The following ROBO2 variants were observed in gnomAD, a reference collection of about 807,000 sequenced individuals.
ROBO2 encodes the protein roundabout homolog 2.
ROBO2 carries 53 observed loss-of-function variants against 160.8 expected under a neutral mutation model. That is an observed-to-expected ratio of 0.33 (90% confidence interval 0.26 to 0.41). The LOEUF (loss-of-function observed/expected upper bound fraction) is 0.41. ROBO2 is among the 10% of genes least tolerant of loss of function. The pLI, the probability that ROBO2 is intolerant of heterozygous loss-of-function variation, is 1.00. For synonymous variants in ROBO2, 664 were observed against 611.7 expected (o/e 1.09, Z -1.26); for missense variants, 1,577 against 1,722.4 (o/e 0.92, Z 1.49).
At chr3:76,504,306 T>A (rs2080651788) in intron 2 of ROBO2, among the ~76,000 whole-genome samples, 1 of 152,156 alleles carries the variant, frequency 6.6e-6, no homozygotes, top group Non-Finnish European at 1.5e-5. Flanking sequence ...TGTGACTTGA[T>A]AAAAGCCATA....
intron 2 of ROBO2, among the ~76,000 whole-genome samples, chr3:76,576,265 A>T (rs967264805): frequency 3.3e-5 from 5 of 152,156 alleles, no homozygotes; most frequent in African/African-American, 1.2e-4. Context: ...CAGTAGCCAC[A>T]TCATACACTG....
At chr3:76,783,000 A>C (rs547180353) in intron 2 of ROBO2, among the ~76,000 whole-genome samples, 1 of 150,038 alleles carries the variant, frequency 6.7e-6, no homozygotes, top group East Asian at 2.0e-4. Flanking sequence ...TAAAATTTTT[A>C]CTTGTGTGCT....
chr3:77,262,057 T>G (rs2058812232), intron 2 of ROBO2, among the ~76,000 whole-genome samples: 1 of 152,156 alleles, frequency 6.6e-6, no homozygotes, highest in South Asian at 2.1e-4. Flanking sequence ...CGCCTCATAA[T>G]TTTTGCCACT....
intron 2 of ROBO2, among the ~76,000 whole-genome samples, chr3:76,556,528 T>C (rs559860748): frequency 6.6e-6 from 1 of 152,320 alleles, no homozygotes; most frequent in Admixed American, 6.5e-5. Context: ...TACATATGCA[T>C]ATTATAAGTG....
intron 2 of ROBO2, among the ~76,000 whole-genome samples, chr3:76,859,664 G>A (rs536206792): frequency 5.9e-5 from 9 of 152,302 alleles, no homozygotes; most frequent in African/African-American, 2.2e-4. Context: ...AAAGCAAAAA[G>A]ATTCCCATAA....
At chr3:77,400,948 A>G (rs780686638) in intron 2 of ROBO2, among the ~76,000 whole-genome samples, 1 of 152,162 alleles carries the variant, frequency 6.6e-6, no homozygotes, top group Non-Finnish European at 1.5e-5. Flanking sequence ...TTTTAACATT[A>G]TGCATACAAT....
intron 2 of ROBO2, among the ~76,000 whole-genome samples, chr3:76,731,188 T>C (rs185279097): frequency 6.6e-6 from 1 of 152,352 alleles, no homozygotes; most frequent in Admixed American, 6.5e-5. Flanking sequence ...TATGTATGTC[T>C]ATTTTAACCA....
intron 5 of ROBO2, among the ~76,000 whole-genome samples, chr3:77,505,011 G>A (rs1000096259): frequency 1.3e-5 from 2 of 152,164 alleles, no homozygotes; most frequent in Non-Finnish European, 2.9e-5. Context: ...TTAGTGATTC[G>A]GTTTGCCTGG....
chr3:75,932,356 TATTTC>T (rs1393667423), intron 1 of ROBO2, among the ~76,000 whole-genome samples: 1 of 152,222 alleles, frequency 6.6e-6, no homozygotes, highest in African/African-American at 2.4e-5. Context: ...TATAGAGCCT[TATTTC>T]ATTCAGATCA....
intron 2 of ROBO2, among the ~76,000 whole-genome samples, chr3:76,381,756 T>C (rs2076636517): frequency 6.6e-6 from 1 of 152,182 alleles, no homozygotes; most frequent in Non-Finnish European, 1.5e-5. Context: ...CAATAAGGCA[T>C]GTGCTTTTAT....
At chr3:76,510,670 G>A (rs1280189144) in intron 2 of ROBO2, among the ~76,000 whole-genome samples, 1 of 151,962 alleles carries the variant, frequency 6.6e-6, no homozygotes, top group Non-Finnish European at 1.5e-5. Context: ...ATTGCAGTGG[G>A]TGAGATCCTT....
chr3:77,387,457 C>T lies in ROBO2; in HGVS notation c.389-89957C>T, dbSNP rs560149029. The stretch of plus-strand genomic sequence containing the variant: ...ATGTTGGGTCCAGTTGGTCTTAGGT[C>T]GCTTGACCTACACCCTGGATTTTCA... On this transcript the variant is annotated intron_variant, in intron 2 of 25. Coordinates refer to ENST00000461745, the Ensembl canonical transcript of ROBO2. 4.6e-5 allele frequency among the ~76,000 whole-genome samples: 7 copies of T among 151,802 alleles called. No individual in the cohort carries two copies. In the South Asian group the frequency reaches 1.3e-3, roughly 27 times the overall value.
At chr3:77,332,277 C>T (rs2066050871) in intron 2 of ROBO2, among the ~76,000 whole-genome samples, 1 of 152,106 alleles carries the variant, frequency 6.6e-6, no homozygotes, top group African/African-American at 2.4e-5. Context: ...TTGTGACCAC[C>T]TTGTACTTAT....
chr3:76,150,308 G>A (rs113417074), intron 2 of ROBO2, among the ~76,000 whole-genome samples: 4 of 122,648 alleles, frequency 3.3e-5, no homozygotes, highest in African/African-American at 9.9e-5. Flanking sequence ...TCTGTCTAAA[G>A]CACACATCAT....
At chr3:76,801,965 G>T (rs987460034) in intron 2 of ROBO2, among the ~76,000 whole-genome samples, 4 of 152,080 alleles carry the variant, frequency 2.6e-5, no homozygotes. Context: ...TGAGGGGATG[G>T]CTGGTCAGAG....
At chr3:77,242,245 A>C (rs1345308830) in intron 2 of ROBO2, among the ~76,000 whole-genome samples, 1 of 152,178 alleles carries the variant, frequency 6.6e-6, no homozygotes, top group African/African-American at 2.4e-5. Flanking sequence ...ACCAAAAGGC[A>C]GAATCATGGC....
rs184296206 is a variant in ROBO2 at position 77,627,473 on chromosome 3, C to G, written c.3760+5041C>G. ...TTTTTTTTTGTATTTTTAGTAGATA[C>G]GGGGTTTCACCATGTTGGCCAAGCT... On this transcript the variant is annotated intron_variant, in intron 23 of 25. Transcript: ENST00000461745. Among the ~76,000 whole-genome samples, 304 of 151,754 alleles carry G rather than the reference C, an allele frequency of 2.0e-3. 4 individuals carry two copies. Among genetic ancestry groups the G allele is most frequent in the African/African-American group, 7.1e-3 (294 of 41,370 alleles).
chr3:77,442,591 A>G (rs554394426), intron 2 of ROBO2, among the ~76,000 whole-genome samples: 4 of 152,188 alleles, frequency 2.6e-5, no homozygotes, highest in Non-Finnish European at 4.4e-5. Context: ...TCTCCAATAC[A>G]TGGCACAATA....
chr3:76,604,161 T>G (rs1304225602), intron 2 of ROBO2, among the ~76,000 whole-genome samples: 1 of 152,124 alleles, frequency 6.6e-6, no homozygotes, highest in Admixed American at 6.5e-5. Context: ...AGTTCATTGG[T>G]CTGAATGTTA....
Sources: allele counts gnomAD v4.1 joint callset (sites outside exome capture counted in the v4.1 genomes callset), GRCh38; gene constraint gnomAD v4.1.1; transcripts MANE v1.5; gene names NCBI Gene and HGNC (gene_info 2026-07-23, HGNC 2026-07-21).